The following AEBP2 variants were observed in gnomAD, a reference collection of about 807,000 sequenced individuals.
AEBP2 encodes zinc finger protein AEBP2.
AEBP2 carries 10 observed loss-of-function variants against 50.8 expected under a neutral mutation model. The observed-to-expected ratio is 0.20, with a 90% confidence interval of 0.12 to 0.33. The LOEUF is 0.33. AEBP2 is among the 10% of genes least tolerant of loss of function. The pLI is 1.00. For missense variants in AEBP2, 570 were observed against 688.0 expected (o/e 0.83, Z 1.92); for synonymous variants, 296 against 261.3 (o/e 1.13, Z -1.28).
chr12:19,460,053 A>T (rs188106735), intron 1 of AEBP2, among the ~76,000 whole-genome samples: 1 of 152,148 alleles, frequency 6.6e-6, no homozygotes. Flanking sequence ...ACAGAAATTT[A>T]AAAAATTTAG....
intron 1 of AEBP2, chr12:19,418,967 G>C (rs1266561603): frequency 6.5e-6 from 1 of 153,070 alleles, no homozygotes; most frequent in Non-Finnish European, 1.5e-5. Flanking sequence ...ATATCTCAAA[G>C]ATGTGCTTAG....
At chr12:19,424,682 C>A (rs980845771) in intron 1 of AEBP2, among the ~76,000 whole-genome samples, 1 of 151,926 alleles carries the variant, frequency 6.6e-6, no homozygotes, top group Non-Finnish European at 1.5e-5. Context: ...AGGCGTGAGC[C>A]ACCGCGCCCG....
chr12:19,436,640 C>T (rs1232930931), upstream of AEBP2, among the ~76,000 whole-genome samples: 1 of 149,554 alleles, frequency 6.7e-6, no homozygotes, highest in Non-Finnish European at 1.5e-5. Context: ...AACTGGAGTG[C>T]AATGGCTCTT....
chr12:19,447,796 C>T (rs747516626), intron 1 of AEBP2, among the ~76,000 whole-genome samples: 4 of 152,294 alleles, frequency 2.6e-5, no homozygotes, highest in Non-Finnish European at 4.4e-5. Context: ...GGAAATGTGG[C>T]AAATTGTTTA....
intron 1 of AEBP2, chr12:19,419,057 CT>C: frequency 6.0e-6 from 1 of 167,770 alleles, no homozygotes. Flanking sequence ...TCTCCTCACT[CT>C]TTTCACTGGG....
At chr12:19,457,678 C>T (rs1948294615) in intron 1 of AEBP2, 4 of 1,299,610 alleles carry the variant, frequency 3.1e-6, no homozygotes, top group Non-Finnish European at 4.0e-6. Context: ...TTTCACAACA[C>T]CTGTGTTCTG....
At position 19,431,341 on chromosome 12, in the gene AEBP2, A is replaced by G. The variant is rs531310312; in HGVS notation, c.-17+27125A>G. Among the ~76,000 whole-genome samples the G allele has an allele frequency of 7.2e-5, 11 of 152,322 alleles. No individual in the cohort carries two copies. The South Asian group carries it at 2.3e-3, about 32-fold the overall frequency. The stretch of plus-strand genomic sequence containing the variant: ...TTTGATGGATAAAGTACTAACTGGT[A>G]TTGTGACTTGTATGTTACAATAAAC... On this transcript the variant is annotated intron_variant, in intron 1 of 3. Coordinates refer to the AEBP2 transcript ENST00000538425.
At chr12:19,411,304 G>T (rs1234566480) in intron 1 of AEBP2, among the ~76,000 whole-genome samples, 6 of 152,118 alleles carry the variant, frequency 3.9e-5, no homozygotes, top group Non-Finnish European at 5.9e-5. Context: ...TTACTAATTC[G>T]CAATATTAAA....
intron 1 of AEBP2, among the ~76,000 whole-genome samples, chr12:19,443,165 C>T (rs1430755736): frequency 6.6e-6 from 1 of 151,394 alleles, no homozygotes; most frequent in Non-Finnish European, 1.5e-5. Context: ...GGTACGATCT[C>T]GGCTCACTGC....
rs374856078 is a variant in AEBP2, at chr12:19,487,135, T to C, written c.988-6665T>C. Among the ~76,000 whole-genome samples, 5 of 152,298 alleles carry C rather than the reference T, an allele frequency of 3.3e-5. No individual in the cohort carries two copies. In the South Asian group the frequency reaches 8.3e-4, roughly 25 times the overall value. On this transcript the variant is annotated intron_variant, in intron 3 of 7. Coordinates refer to ENST00000266508, the MANE Select transcript of AEBP2 (RefSeq NM_153207.5). ...CATTGGGTGGTTTGTCTTTTATTATTGAGTTAATAGAAATTCTTCAGAAAT... is the reference window on the plus strand; with the variant it reads ...CATTGGGTGGTTTGTCTTTTATTATCGAGTTAATAGAAATTCTTCAGAAAT...
chr12:19,518,011 A>G, intron 7 of AEBP2, 76 bp from the exon 8 acceptor site: 1 of 1,340,210 alleles, frequency 7.5e-7, no homozygotes, highest in Non-Finnish European at 1.0e-6. Context: ...TCTTATTAAT[A>G]TTTTTAATGT....
At chr12:19,440,899 T>A (rs1000057995) in intron 1 of AEBP2, among the ~76,000 whole-genome samples, 2 of 152,256 alleles carry the variant, frequency 1.3e-5, no homozygotes, top group African/African-American at 4.8e-5. Context: ...TTATATTAAA[T>A]CATTGCCTCC....
chr12:19,453,110 G>A (rs1948195084), intron 1 of AEBP2, among the ~76,000 whole-genome samples: 1 of 150,418 alleles, frequency 6.6e-6, no homozygotes, highest in Non-Finnish European at 1.5e-5. Flanking sequence ...CTGGGACCAC[G>A]GGTACCCGCC....
intron 3 of AEBP2, among the ~76,000 whole-genome samples, chr12:19,481,567 C>G (rs1948730248): frequency 6.6e-6 from 1 of 151,982 alleles, no homozygotes; most frequent in African/African-American, 2.4e-5. Flanking sequence ...CCACCTTCAC[C>G]TCCTGGGTTC....
intron 1 of AEBP2, among the ~76,000 whole-genome samples, chr12:19,459,473 C>T (rs981466213): frequency 2.6e-5 from 4 of 152,136 alleles, no homozygotes; most frequent in South Asian, 2.1e-4. Flanking sequence ...CCTCGTGATC[C>T]GCCCGCCTCA....
intron 2 of AEBP2, among the ~76,000 whole-genome samples, chr12:19,467,291 A>T (rs1948494076): frequency 6.6e-6 from 1 of 151,974 alleles, no homozygotes; most frequent in South Asian, 2.1e-4. Flanking sequence ...AGAGAATCAA[A>T]CCTATCTCTA....
intron 3 of AEBP2, 134 bp from the exon 4 acceptor site, chr12:19,493,666 T>C: frequency 1.2e-6 from 1 of 840,754 alleles, no homozygotes; most frequent in Non-Finnish European, 1.8e-6. Flanking sequence ...TACTAGTCCC[T>C]TATGCTTCCT....
intron 1 of AEBP2, among the ~76,000 whole-genome samples, chr12:19,452,405 A>G (rs1948179349): frequency 6.6e-6 from 1 of 152,192 alleles, no homozygotes. Context: ...CAAGATTTAG[A>G]GTGCCTTTTG....
intron 2 of AEBP2, among the ~76,000 whole-genome samples, chr12:19,465,877 C>G (rs780318964): frequency 1.5e-4 from 22 of 150,664 alleles, no homozygotes; most frequent in African/African-American, 5.4e-4. Flanking sequence ...CTACAGCCTC[C>G]GTCTCCTGGG....
Sources: gnomAD v4.1 joint callset for allele counts (sites outside exome capture counted in the v4.1 genomes callset) on GRCh38, gnomAD v4.1.1 for gene constraint, MANE v1.5 for transcripts, NCBI Gene and HGNC (gene_info 2026-07-23, HGNC 2026-07-21) for gene names.